Variants in CACNA2D3 observed in about 807,000 individuals in gnomAD.
CACNA2D3 encodes calcium voltage-gated channel auxiliary subunit alpha2delta 3, also known as voltage-dependent calcium channel subunit alpha-2/delta-3.
A neutral mutation model predicts 160.6 loss-of-function variants in CACNA2D3; 60 were observed. The observed-to-expected ratio is 0.37, with a 90% CI of 0.30 to 0.46. The LOEUF is 0.46. CACNA2D3 is among the 20% of genes least tolerant of loss of function. The pLI, the probability that CACNA2D3 is intolerant of heterozygous loss-of-function variation, is 1.00. For synonymous variants in CACNA2D3, 558 were observed against 492.9 expected (o/e 1.13, Z -1.75); for missense variants, 1,205 against 1,365.0 (o/e 0.88, Z 1.85).
chr3:54,689,116 G>A (rs1003352090), intron 11 of CACNA2D3, among the ~76,000 whole-genome samples: 2 of 151,100 alleles, frequency 1.3e-5, no homozygotes, highest in African/African-American at 4.9e-5. Flanking sequence ...AGTGATGGTC[G>A]CTGAAACCAG....
At chr3:54,812,364 CAA>C (rs2106703224) in intron 13 of CACNA2D3, among the ~76,000 whole-genome samples, 2 of 152,292 alleles carry the variant, frequency 1.3e-5, no homozygotes, top group South Asian at 4.2e-4. Flanking sequence ...GAGCATATGA[CAA>C]GAGAGGGTAA....
At chr3:54,127,304 G>A (rs1046866044) in intron 2 of CACNA2D3, among the ~76,000 whole-genome samples, 1 of 152,330 alleles carries the variant, frequency 6.6e-6, no homozygotes, top group Non-Finnish European at 1.5e-5. Flanking sequence ...ATCTTGGAAT[G>A]CACAATCTGT....
chr3:54,719,163 C>CTTTTT (rs527632302), intron 11 of CACNA2D3, among the ~76,000 whole-genome samples: 17 of 132,690 alleles, frequency 1.3e-4, no homozygotes, highest in Admixed American at 2.3e-4. Flanking sequence ...CACTGGATTT[C>CTTTTT]TTTTTTTTTT....
intron 4 of CACNA2D3, among the ~76,000 whole-genome samples, chr3:54,438,045 A>G (rs1180880249): frequency 6.6e-6 from 1 of 152,188 alleles, no homozygotes; most frequent in African/African-American, 2.4e-5. Flanking sequence ...ATTAGAAACA[A>G]CTAGAGTTAT....
At chr3:54,374,643 G>A (rs1698978757) in intron 3 of CACNA2D3, among the ~76,000 whole-genome samples, 1 of 152,106 alleles carries the variant, frequency 6.6e-6, no homozygotes. Context: ...GTTGTTGCTG[G>A]ACACCCCCTG....
At chr3:54,626,381 T>A (rs1375187489) in intron 9 of CACNA2D3, 3 of 1,566,564 alleles carry the variant, frequency 1.9e-6, no homozygotes. Flanking sequence ...CACTCCCTGC[T>A]GAAGTGCCTG....
At chr3:54,281,377 T>C (rs1702876602) in intron 2 of CACNA2D3, among the ~76,000 whole-genome samples, 1 of 152,186 alleles carries the variant, frequency 6.6e-6, no homozygotes, top group Non-Finnish European at 1.5e-5. Context: ...AACACAAGGC[T>C]ACCTGCCTGT....
At chr3:54,285,141 C>T (rs1035825314) in intron 2 of CACNA2D3, among the ~76,000 whole-genome samples, 2 of 152,192 alleles carry the variant, frequency 1.3e-5, no homozygotes, top group Admixed American at 1.3e-4. Context: ...CATTGTCTCA[C>T]TCGGGAAGCG....
At chr3:54,141,107 A>ACG in intron 2 of CACNA2D3, among the ~76,000 whole-genome samples, 1 of 44,182 alleles carries the variant, frequency 2.3e-5, no homozygotes, top group Admixed American at 2.0e-4. Context: ...GCGTGTGTGC[A>ACG]TGCATGCCTG....
intron 14 of CACNA2D3, among the ~76,000 whole-genome samples, chr3:54,826,991 T>C (rs1293295660): frequency 6.6e-6 from 1 of 152,224 alleles, no homozygotes; most frequent in Non-Finnish European, 1.5e-5. Context: ...ATTCATTTAA[T>C]GCCTCCAAGA....
At chr3:54,964,610 G>C (rs1702101084) in intron 27 of CACNA2D3, among the ~76,000 whole-genome samples, 1 of 152,092 alleles carries the variant, frequency 6.6e-6, no homozygotes. Context: ...GGGAGAGAGT[G>C]GGACTCACTG....
chr3:54,359,923 A>G (rs1698713495), intron 3 of CACNA2D3, among the ~76,000 whole-genome samples: 2 of 152,190 alleles, frequency 1.3e-5, no homozygotes, highest in Non-Finnish European at 2.9e-5. Flanking sequence ...CCTCTATTTT[A>G]GAGATTCTGT....
intron 2 of CACNA2D3, among the ~76,000 whole-genome samples, chr3:54,235,429 G>A (rs1701855331): frequency 6.6e-6 from 1 of 152,174 alleles, no homozygotes; most frequent in Admixed American, 6.5e-5. Flanking sequence ...AGCACTTCAC[G>A]TGGTGAGAGT....
chr3:54,764,920 A>C (rs2107100348), intron 13 of CACNA2D3, among the ~76,000 whole-genome samples: 1 of 152,296 alleles, frequency 6.6e-6, no homozygotes, highest in South Asian at 2.1e-4. Context: ...TCTGATGCTG[A>C]ATTAGCTGAA....
intron 2 of CACNA2D3, among the ~76,000 whole-genome samples, chr3:54,269,836 A>T (rs1168067897): frequency 6.6e-6 from 1 of 152,220 alleles, no homozygotes; most frequent in Admixed American, 6.5e-5. Flanking sequence ...CATGAATTTG[A>T]TTGATCAAAG....
chr3:54,516,931 T>C (rs185559659), intron 5 of CACNA2D3, among the ~76,000 whole-genome samples: 20 of 152,290 alleles, frequency 1.3e-4, no homozygotes, highest in African/African-American at 4.8e-4. Flanking sequence ...TCAGGACCAG[T>C]CGGGGTACCT....
chr3:54,909,146 A>C (rs1208211503), intron 27 of CACNA2D3, among the ~76,000 whole-genome samples: 1 of 152,180 alleles, frequency 6.6e-6, no homozygotes, highest in Non-Finnish European at 1.5e-5. Context: ...CAGAAATTCC[A>C]ATCAAAGATC....
At chr3:54,148,489 G>A (rs1032016562) in intron 2 of CACNA2D3, among the ~76,000 whole-genome samples, 1 of 152,218 alleles carries the variant, frequency 6.6e-6, no homozygotes, top group Admixed American at 6.5e-5. Context: ...TTGGACACTA[G>A]CATGTGGCAG....
At chr3:54,503,120 C>T (rs1196065860) in intron 4 of CACNA2D3, among the ~76,000 whole-genome samples, 1 of 152,162 alleles carries the variant, frequency 6.6e-6, no homozygotes, top group Non-Finnish European at 1.5e-5. Flanking sequence ...CGTATATTTG[C>T]CTGTTATTTT....
Sources: allele counts gnomAD v4.1 joint callset (sites outside exome capture counted in the v4.1 genomes callset), GRCh38; gene constraint gnomAD v4.1.1; transcripts MANE v1.5; gene names NCBI Gene and HGNC (gene_info 2026-07-23, HGNC 2026-07-21).